CSMD1: variants seen among roughly 807,000 people sequenced by gnomAD.
CSMD1 encodes CUB and Sushi multiple domains 1, also known as CUB and sushi domain-containing protein 1.
In CSMD1, 213 loss-of-function variants were observed where a neutral mutation model predicts 417.5. That is an observed-to-expected ratio of 0.51 (90% CI 0.46 to 0.57). The LOEUF (loss-of-function observed/expected upper bound fraction) is 0.57, where lower values mean the gene tolerates loss of function less well. Ranked by LOEUF, CSMD1 falls within the 20% of genes least tolerant of loss-of-function variation. The probability of loss-of-function intolerance (pLI) is 0.00; values close to 1 mark genes in which losing one functional copy is unlikely to be tolerated. For missense variants in CSMD1, 6,923 were observed against 4,529.7 expected, an observed-to-expected ratio of 1.53 and a Z score of -15.17; for synonymous variants, 2,862 against 1,736.8, an observed-to-expected ratio of 1.65 and a Z score of -16.11.
chr8:3,622,430 C>T (rs1029810628), intron 7 of CSMD1, among the ~76,000 whole-genome samples: 3 of 152,174 alleles, frequency 2.0e-5, no homozygotes, highest in African/African-American at 4.8e-5. Flanking sequence ...TACAAAGGCC[C>T]ACTTGCATGT....
intron 5 of CSMD1, among the ~76,000 whole-genome samples, chr8:3,935,625 G>A (rs912729324): frequency 6.6e-6 from 1 of 152,032 alleles, no homozygotes; most frequent in Non-Finnish European, 1.5e-5. Context: ...TTGTTTGGGG[G>A]CCCCATATGT....
chr8:4,175,651 G>C (rs527824817), intron 3 of CSMD1, among the ~76,000 whole-genome samples: 7 of 152,168 alleles, frequency 4.6e-5, no homozygotes, highest in Admixed American at 6.5e-5. Flanking sequence ...CTTGAAGTCA[G>C]AACTATCTAA....
intron 3 of CSMD1, among the ~76,000 whole-genome samples, chr8:4,391,914 A>T (rs1324099979): frequency 6.6e-6 from 1 of 152,138 alleles, no homozygotes; most frequent in Non-Finnish European, 1.5e-5. Flanking sequence ...ATGTCTTAGA[A>T]CCCTGAGGCT....
At chr8:4,615,915 GT>G (rs1344359742) in intron 2 of CSMD1, among the ~76,000 whole-genome samples, 1 of 151,686 alleles carries the variant, frequency 6.6e-6, no homozygotes, top group Non-Finnish European at 1.5e-5. Flanking sequence ...CTATTTGTTT[GT>G]ACAGTGCCCC....
intron 50 of CSMD1, among the ~76,000 whole-genome samples, chr8:3,040,993 C>T (rs1317722145): frequency 1.3e-5 from 2 of 152,102 alleles, no homozygotes; most frequent in Non-Finnish European, 2.9e-5. Context: ...GTTTCCTTTT[C>T]TCTGCCTAAT....
At chr8:4,277,402 C>A (rs1796548510) in intron 3 of CSMD1, among the ~76,000 whole-genome samples, 1 of 152,112 alleles carries the variant, frequency 6.6e-6, no homozygotes, top group Non-Finnish European at 1.5e-5. Context: ...TGACCCAGCC[C>A]CCATTTCCCC....
chr8:2,996,171 T>C (rs1806878977), intron 54 of CSMD1, among the ~76,000 whole-genome samples: 1 of 149,648 alleles, frequency 6.7e-6, no homozygotes, highest in African/African-American at 2.5e-5. Context: ...AAGGAGGACT[T>C]TAATGGGAAA....
chr8:3,222,346 T>C (rs537558206), intron 28 of CSMD1, among the ~76,000 whole-genome samples: 4 of 152,178 alleles, frequency 2.6e-5, no homozygotes, highest in Non-Finnish European at 5.9e-5. Context: ...GCCAAGGTCT[T>C]GCTCTGTTGC....
intron 12 of CSMD1, among the ~76,000 whole-genome samples, chr8:3,442,205 A>T (rs930785598): frequency 2.7e-5 from 4 of 150,054 alleles, no homozygotes; most frequent in Non-Finnish European, 5.9e-5. Context: ...AAAAATGAAA[A>T]GGTTTATAAA....
intron 51 of CSMD1, among the ~76,000 whole-genome samples, chr8:3,024,631 T>C (rs1019785223): frequency 1.3e-5 from 2 of 152,216 alleles, no homozygotes; most frequent in South Asian, 4.1e-4. Context: ...TTAAAAATTG[T>C]GTTTTTCACT....
chr8:4,163,375 C>G (rs1797277086), intron 3 of CSMD1, among the ~76,000 whole-genome samples: 1 of 152,180 alleles, frequency 6.6e-6, no homozygotes, highest in Non-Finnish European at 1.5e-5. Flanking sequence ...TTATTTTACT[C>G]CATATCCAAG....
At chr8:4,879,583 C>T (rs1044301480) in intron 1 of CSMD1, among the ~76,000 whole-genome samples, 3 of 151,562 alleles carry the variant, frequency 2.0e-5, no homozygotes, top group South Asian at 2.1e-4. Context: ...TTTTATAAAA[C>T]GAAGAAGAAA....
intron 3 of CSMD1, among the ~76,000 whole-genome samples, chr8:4,080,019 A>C (rs1464871906): frequency 6.8e-6 from 1 of 147,942 alleles, no homozygotes; most frequent in African/African-American, 2.5e-5. Context: ...TTTTTTTTCT[A>C]GATATCAAAA....
intron 10 of CSMD1, among the ~76,000 whole-genome samples, chr8:3,523,949 A>ATACGCATGCACACT (rs1554453962): frequency 6.6e-6 from 1 of 151,214 alleles, no homozygotes; most frequent in African/African-American, 2.4e-5. Flanking sequence ...AGACACGTGC[A>ATACGCATGCACACT]TACACATGCA....
chr8:4,089,089 T>G (rs545945399), intron 3 of CSMD1, among the ~76,000 whole-genome samples: 2 of 152,310 alleles, frequency 1.3e-5, no homozygotes, highest in East Asian at 3.9e-4. Flanking sequence ...TAGTACCATG[T>G]AGGATTCAGG....
At chr8:3,017,604 T>C (rs1808954334) in intron 52 of CSMD1, among the ~76,000 whole-genome samples, 1 of 151,828 alleles carries the variant, frequency 6.6e-6, no homozygotes, top group Non-Finnish European at 1.5e-5. Flanking sequence ...CACAGACAAG[T>C]GTGAGAACCT....
At chr8:3,938,713 C>A (rs960828592) in intron 5 of CSMD1, among the ~76,000 whole-genome samples, 1 of 152,148 alleles carries the variant, frequency 6.6e-6, no homozygotes, top group African/African-American at 2.4e-5. Flanking sequence ...CAATTATAGA[C>A]CCAAACATAA....
chr8:4,355,353 T>C (rs930374289), intron 3 of CSMD1, among the ~76,000 whole-genome samples: 8 of 151,878 alleles, frequency 5.3e-5, no homozygotes, highest in African/African-American at 1.7e-4. Flanking sequence ...ATATGATATA[T>C]ATACACACAC....
At chr8:3,084,409 G>C (rs1273919203) in intron 49 of CSMD1, among the ~76,000 whole-genome samples, 1 of 151,118 alleles carries the variant, frequency 6.6e-6, no homozygotes, top group Non-Finnish European at 1.5e-5. Flanking sequence ...TGTAATCCCA[G>C]TTACTTGGGA....
Sources: gnomAD v4.1 joint callset for allele counts (sites outside exome capture counted in the v4.1 genomes callset) on GRCh38, gnomAD v4.1.1 for gene constraint, MANE v1.5 for transcripts, NCBI Gene and HGNC (gene_info 2026-07-23, HGNC 2026-07-21) for gene names.